Variants in CYBA observed in about 807,000 individuals in gnomAD.
CYBA encodes the protein cytochrome b-245 alpha chain.
A neutral mutation model predicts 20.8 loss-of-function variants in CYBA; 21 were observed. The observed-to-expected ratio is 1.01, with a 90% confidence interval of 0.72 to 1.46. The LOEUF is 1.46. Ranked by LOEUF, CYBA falls within the 40% of genes most tolerant of loss-of-function variation. The pLI is 0.00. For missense variants in CYBA, 344 were observed against 287.0 expected (o/e 1.20, Z -1.43); for synonymous variants, 164 against 127.5 (o/e 1.29, Z -1.93).
intron 1 of CYBA, chr16:88,650,571 G>A (rs1233240537): frequency 2.0e-6 from 1 of 503,308 alleles, no homozygotes; most frequent in Admixed American, 2.3e-5. Flanking sequence ...GAGGGGCAGG[G>A]GAGCTTCTCC....
intron 1 of CYBA, among the ~76,000 whole-genome samples, chr16:88,649,180 G>T (rs375617480): frequency 1.3e-5 from 2 of 152,116 alleles, no homozygotes; most frequent in Non-Finnish European, 2.9e-5. Flanking sequence ...CTCGTGATCC[G>T]CCCGCCTTGG....
At chr16:88,645,356 T>C (rs1183659499) in intron 5 of CYBA, 1 of 702,426 alleles carries the variant, frequency 1.4e-6, no homozygotes, top group Admixed American at 2.0e-5. Flanking sequence ...TGCTGCACCT[T>C]TCCCACGCAC....
chr16:88,645,136 A>G (rs1213967511), intron 5 of CYBA: 3 of 699,784 alleles, frequency 4.3e-6, no homozygotes, highest in Admixed American at 2.0e-5. Flanking sequence ...GTTTAGCACA[A>G]GGAATTCCTC....
chr16:88,647,949 G>T, intron 2 of CYBA, 96 bp downstream of exon 2: 1 of 1,216,052 alleles, frequency 8.2e-7, no homozygotes, highest in Non-Finnish European at 1.2e-6. Flanking sequence ...CCTGGCTGCG[G>T]TGGTGGGGAG....
rs1907508822 is a variant in CYBA at position 88,650,999 on chromosome 16, C to T, written c.15G>A (p.Glu5=). The part of the protein sequence containing the change: MGQI[E]WAMWANEQAL... ...CCTGTTCGTTGGCCCACATGGCCCA[C>T]TCGATCTGCCCCATGGCGACACGAA... The change falls in exon 1 of 6, where the codon GAG becomes GAA. Residue 5 remains glutamate (E), a synonymous_variant. Transcript: ENST00000261623. 6.3e-7 allele frequency: 1 copy of T among 1,597,882 alleles called. No homozygotes were observed. Among genetic ancestry groups the T allele is most frequent in the East Asian group, 2.3e-5 (1 of 43,840 alleles).
intron 1 of CYBA, among the ~76,000 whole-genome samples, chr16:88,649,616 G>T (rs1567610272): frequency 6.6e-6 from 1 of 152,242 alleles, no homozygotes; most frequent in African/African-American, 2.4e-5. Context: ...CATTTGAATT[G>T]AGAAATAAAT....
intron 1 of CYBA, among the ~76,000 whole-genome samples, chr16:88,649,949 T>A (rs943716038): frequency 6.6e-6 from 1 of 152,168 alleles, no homozygotes; most frequent in African/African-American, 2.4e-5. Flanking sequence ...CTGTCTGAAC[T>A]GACCCACCGA....
Position 88,643,560 on chromosome 16 carries a change from A to G in CYBA, c.381T>C (p.Arg127=), listed in dbSNP as rs12123. The change falls in exon 6 of 6, where the codon CGT becomes CGC. Residue 127 remains arginine (R), a synonymous_variant. Transcript: ENST00000261623. The surrounding 1 kb of genome is among the most constrained non-coding windows in gnomAD (Gnocchi z 4.3). ...ASGIYLLAAV[R]GEQWTPIEPK... is the part of the protein sequence containing the mutation. Reference sequence around the variant, plus strand: ...GCTCGATGGGCGTCCACTGCTCGCCACGCACAGCCGCCTGCGGGGCACTGA... The same window carrying G: ...GCTCGATGGGCGTCCACTGCTCGCCGCGCACAGCCGCCTGCGGGGCACTGA... 0.033 allele frequency: 49,824 copies of G among 1,532,918 alleles called. 1,029 individuals are homozygous for G. Among genetic ancestry groups the G allele is most frequent in the Non-Finnish European group, 0.039 (44,669 of 1,145,662 alleles). The allele number at this position is 1,532,918 out of a possible 1,614,324, so 95.0% of individuals were successfully genotyped here.
intron 1 of CYBA, among the ~76,000 whole-genome samples, chr16:88,649,791 C>G (rs994627719): frequency 1.3e-5 from 2 of 152,226 alleles, no homozygotes; most frequent in Admixed American, 1.3e-4. Context: ...TCTAACTCTT[C>G]GGGCCAGGAG....
intron 1 of CYBA, 41 bp downstream of exon 1, chr16:88,650,915 C>G: frequency 6.4e-7 from 1 of 1,562,310 alleles, no homozygotes; most frequent in Non-Finnish European, 8.7e-7. Context: ...TTGGGACACC[C>G]CTCCAGGCTG....
At chr16:88,647,460 G>T (rs558625120) in intron 2 of CYBA, among the ~76,000 whole-genome samples, 1 of 152,342 alleles carries the variant, frequency 6.6e-6, no homozygotes, top group African/African-American at 2.4e-5. Flanking sequence ...GGTGGCCTGA[G>T]CCCAGGTGGA....
rs1217124537 is a variant in CYBA, at chr16:88,648,933, A to C, written c.59-819T>G. Among the ~76,000 whole-genome samples, 10 of 85,030 alleles carry C rather than the reference A, an allele frequency of 1.2e-4. No homozygotes were observed. In the East Asian group the frequency reaches 1.9e-3, roughly 16 times the overall value. The allele number at this position is 85,030 out of a possible 152,430, so 55.8% of individuals were successfully genotyped here. On this transcript the variant is annotated intron_variant, in intron 1 of 5. Coordinates refer to ENST00000261623, the MANE Select transcript of CYBA (RefSeq NM_000101.4). ...GGCGCCTGGTCCTTCCTACTATTTTATTTCTTTTTTTTTTTTTTTTTGGAG... is the reference window on the plus strand; with the variant it reads ...GGCGCCTGGTCCTTCCTACTATTTTCTTTCTTTTTTTTTTTTTTTTTGGAG...
Position 88,650,972 on chromosome 16 carries a change from C to A in CYBA, c.42G>T (p.Ala14=). ...TGCACTCACTCAGGCCGGACGCCAG[C>A]GCCTGTTCGTTGGCCCACATGGCCC... The part of the protein sequence containing the change: ...IEWAMWANEQ[A]LASGLILITG... The change falls in exon 1 of 6, where the codon GCG becomes GCT. Residue 14 remains alanine (A), a synonymous_variant. Transcript: ENST00000261623. 2 of 1,595,304 alleles carry A rather than the reference C, an allele frequency of 1.3e-6. No homozygotes were observed. Among genetic ancestry groups the A allele is most frequent in the Non-Finnish European group, 1.7e-6 (2 of 1,172,294 alleles).
Position 88,643,471 on chromosome 16 carries a change from G to T in CYBA, c.470C>A (p.Pro157Gln), listed in dbSNP as rs1022849964. 6 of 1,532,694 alleles carry T rather than the reference G, an allele frequency of 3.9e-6. No individual in the cohort carries two copies. In the South Asian group the frequency reaches 6.0e-5, roughly 15 times the overall value. 94.9% of individuals were successfully genotyped at this position (1,532,694 alleles called of 1,614,324 possible). A position where few individuals can be genotyped will look rare whatever the true frequency, so the allele number is the denominator to read the frequency against. The stretch of plus-strand genomic sequence containing the variant: ...CTTGCGGGCCTCGGCCGGGGGCCGC[G>T]GCGGGGGGTTGCTGGGCGGCTGCTT... ...TIKQPPSNPP[P>Q]RPPAEARKKP... Residue 157 changes from proline (P) to glutamine (Q), a missense_variant, in exon 6 of 6, where the codon CCG becomes CAG. Transcript: ENST00000261623. This position sits in a 1 kb window ranked among gnomAD's most constrained non-coding sequence, Gnocchi z 4.3.
chr16:88,647,257 G>A (rs2142876325), intron 2 of CYBA, 82 bp from the exon 3 acceptor site: 3 of 1,375,796 alleles, frequency 2.2e-6, no homozygotes, highest in Admixed American at 3.6e-5. Context: ...AACACAGAGA[G>A]GGGCCCGAGC....
intron 3 of CYBA, 73 bp downstream of exon 3, chr16:88,647,028 C>T: frequency 3.9e-5 from 56 of 1,435,620 alleles, no homozygotes; most frequent in Non-Finnish European, 5.4e-5. Flanking sequence ...AGAAACCAAG[C>T]TCCACCCAAC....
At chr16:88,650,517 CA>C in intron 1 of CYBA, 1 of 475,024 alleles carries the variant, frequency 2.1e-6, no homozygotes, top group South Asian at 1.5e-5. Flanking sequence ...GCCCATTCCC[CA>C]CCCCAAGCCC....
rs1427357308 is a variant in CYBA at position 88,645,165 on chromosome 16, A to G, written c.369+951T>C. The G allele has an allele frequency of 1.4e-4, 100 of 702,104 alleles. 1 individual carries two copies. In the East Asian group the frequency reaches 2.6e-3, roughly 18 times the overall value. 43.5% of individuals were successfully genotyped at this position (702,104 alleles called of 1,614,324 possible). ...ATTCCTCCCGAGGTCTCCAGGAGCC[A>G]CTAGCTGTGCGTGGCAGCAGGGAGA... is the stretch of plus-strand genomic sequence containing the variant. On this transcript the variant is annotated intron_variant, in intron 5 of 5. Coordinates refer to ENST00000261623, the MANE Select transcript of CYBA (RefSeq NM_000101.4).
intron 5 of CYBA, among the ~76,000 whole-genome samples, chr16:88,644,102 C>T (rs1451043088): frequency 6.6e-6 from 1 of 152,220 alleles, no homozygotes; most frequent in Non-Finnish European, 1.5e-5. Context: ...GACTCCTGGG[C>T]CCATGCCCGG....
Sources: allele counts gnomAD v4.1 joint callset (sites outside exome capture counted in the v4.1 genomes callset), GRCh38; gene constraint gnomAD v4.1.1; non-coding constraint Gnocchi (gnomAD v3.1); transcripts MANE v1.5; gene names NCBI Gene and HGNC (gene_info 2026-07-23, HGNC 2026-07-21).